The following RARB variants were observed in gnomAD, a reference collection of about 807,000 sequenced individuals.
RARB encodes the protein HBV-activated protein.
RARB carries 17 observed loss-of-function variants against 51.9 expected under a neutral mutation model. The observed-to-expected ratio is 0.33, with a 90% CI of 0.22 to 0.49. RARB has a LOEUF of 0.49. Ranked by LOEUF, RARB falls within the 20% of genes least tolerant of loss-of-function variation. The probability of loss-of-function intolerance (pLI) is 0.99; values close to 1 mark genes in which losing one functional copy is unlikely to be tolerated. For missense variants in RARB, 369 were observed against 550.8 expected, an observed-to-expected ratio of 0.67 and a Z score of 3.30; for synonymous variants, 215 against 195.4, an observed-to-expected ratio of 1.10 and a Z score of -0.84.
At chr3:25,543,010 A>C (rs1481926248) in intron 3 of RARB, among the ~76,000 whole-genome samples, 2 of 152,172 alleles carry the variant, frequency 1.3e-5, no homozygotes, top group African/African-American at 2.4e-5. Context: ...ACCCATGGAC[A>C]CAACTGCAGG....
At chr3:25,216,818 A>T (rs751500258) in intron 5 of RARB, among the ~76,000 whole-genome samples, 1 of 151,676 alleles carries the variant, frequency 6.6e-6, no homozygotes, top group African/African-American at 2.4e-5. Context: ...CTTTTAGTCT[A>T]TAGTTTTGCT....
At chr3:24,974,785 GGA>G (rs1477182424) in intron 2 of RARB, among the ~76,000 whole-genome samples, 1 of 152,114 alleles carries the variant, frequency 6.6e-6, no homozygotes, top group Non-Finnish European at 1.5e-5. Context: ...ATAAGTATAA[GGA>G]ACACTCTCAA....
At chr3:25,548,162 G>A (rs1699697001) in intron 3 of RARB, among the ~76,000 whole-genome samples, 1 of 150,246 alleles carries the variant, frequency 6.7e-6, no homozygotes, top group African/African-American at 2.5e-5. Flanking sequence ...AGTAATTGGA[G>A]TGAGTGCTTC....
At chr3:25,494,876 A>G (rs1038493300) in intron 2 of RARB, among the ~76,000 whole-genome samples, 1 of 152,252 alleles carries the variant, frequency 6.6e-6, no homozygotes, top group African/African-American at 2.4e-5. Context: ...AGTTTTGTCA[A>G]TAACAGTAGC....
At chr3:24,834,020 A>T (rs75134207) in intron 1 of RARB, among the ~76,000 whole-genome samples, 6,424 of 152,326 alleles carry the variant, frequency 0.042, 199 homozygotes, top group Middle Eastern at 0.071. Flanking sequence ...CTGATTTGCT[A>T]TATTTTGCAG....
In RARB at chr3:25,151,944, A is replaced by G. The variant is rs528738376; in HGVS notation, c.-280+19736A>G. ...TTTTTTTTTTAAAGTACAAAATGAAAGTATGCCTGGGCAACGTGAGCAGAG... is the reference window on the plus strand; with the variant it reads ...TTTTTTTTTTAAAGTACAAAATGAAGGTATGCCTGGGCAACGTGAGCAGAG... On this transcript the variant is annotated intron_variant, in intron 4 of 11. Transcript: ENST00000383772. Among the ~76,000 whole-genome samples the G allele has an allele frequency of 2.9e-4, 44 of 152,300 alleles. No homozygotes were observed. The South Asian group carries it at 5.2e-3, about 18-fold the overall frequency.
At chr3:25,073,702 T>C (rs1363793340) in intron 3 of RARB, among the ~76,000 whole-genome samples, 1 of 152,134 alleles carries the variant, frequency 6.6e-6, no homozygotes, top group Admixed American at 6.5e-5. Context: ...TAAGTGAAAA[T>C]GCTAGGGGAA....
At chr3:25,163,266 G>A (rs1332709788) in intron 4 of RARB, among the ~76,000 whole-genome samples, 1 of 152,130 alleles carries the variant, frequency 6.6e-6, no homozygotes, top group East Asian at 1.9e-4. Context: ...CACTTCAGGA[G>A]GCTGAGGTGA....
At chr3:25,322,264 A>G (rs989958719) in intron 5 of RARB, among the ~76,000 whole-genome samples, 4 of 152,150 alleles carry the variant, frequency 2.6e-5, no homozygotes, top group Admixed American at 2.6e-4. Context: ...ACCAAAATAA[A>G]CCTCAGATAA....
In RARB at chr3:25,018,686, A is replaced by C. The variant is rs564966648; in HGVS notation, c.-379-41439A>C. Among the ~76,000 whole-genome samples, 15 of 152,296 alleles carry C rather than the reference A, an allele frequency of 9.8e-5. No individual in the cohort carries two copies. In the South Asian group the frequency reaches 2.9e-3, roughly 29 times the overall value. On this transcript the variant is annotated intron_variant, in intron 2 of 11. Coordinates refer to the RARB transcript ENST00000383772. ...TAGAAAAGTCATTGTATATAAAGTGAGAAAATTTGGAAAACTCAATTTTAC... is the reference window on the plus strand; with the variant it reads ...TAGAAAAGTCATTGTATATAAAGTGCGAAAATTTGGAAAACTCAATTTTAC...
intron 5 of RARB, among the ~76,000 whole-genome samples, chr3:25,377,341 T>C (rs1331503971): frequency 6.6e-6 from 1 of 152,034 alleles, no homozygotes; most frequent in Non-Finnish European, 1.5e-5. Flanking sequence ...GCTTTTGTCC[T>C]TTACAAGGCA....
intron 2 of RARB, among the ~76,000 whole-genome samples, chr3:24,980,274 C>T (rs878932812): frequency 1.3e-5 from 2 of 152,100 alleles, no homozygotes. Context: ...CAAGGAGTAT[C>T]TTTGTGGTGT....
chr3:25,130,057 T>C (rs1016113149), intron 3 of RARB, among the ~76,000 whole-genome samples: 1 of 152,100 alleles, frequency 6.6e-6, no homozygotes, highest in Non-Finnish European at 1.5e-5. Context: ...TTGATTACCT[T>C]AGTATGGGAA....
intron 1 of RARB, among the ~76,000 whole-genome samples, chr3:25,459,136 T>C (rs562553584): frequency 7.2e-4 from 109 of 152,286 alleles, no homozygotes; most frequent in African/African-American, 2.6e-3. Context: ...TAGGGTTTTA[T>C]GGAAATAAAA....
chr3:25,315,826 C>T lies in RARB; in HGVS notation c.178+141251C>T, dbSNP rs568520436. Among the ~76,000 whole-genome samples the T allele has an allele frequency of 2.0e-5, 3 of 151,948 alleles. No homozygotes were observed. The South Asian group carries it at 6.3e-4, about 32-fold the overall frequency. On this transcript the variant is annotated intron_variant, in intron 5 of 11. Coordinates refer to the RARB transcript ENST00000383772. ...TAGAGAGGGGGTTTCACTATGTTAC[C>T]CAGGCTGGTCTCAAACTCCTGACCT...
chr3:25,105,137 A>T (rs1699475024), intron 3 of RARB, among the ~76,000 whole-genome samples: 2 of 152,192 alleles, frequency 1.3e-5, no homozygotes, highest in Admixed American at 1.3e-4. Context: ...ATATTTTCAT[A>T]ATTACATTAT....
At chr3:25,046,062 T>A (rs563112396) in intron 2 of RARB, among the ~76,000 whole-genome samples, 5 of 152,248 alleles carry the variant, frequency 3.3e-5, no homozygotes, top group Non-Finnish European at 7.3e-5. Context: ...TCATGTAGTC[T>A]GCCCGGCTCT....
At chr3:25,332,848 G>A (rs571575390) in intron 5 of RARB, among the ~76,000 whole-genome samples, 15 of 152,174 alleles carry the variant, frequency 9.9e-5, no homozygotes, top group Admixed American at 3.3e-4. Flanking sequence ...CAAAATCAAC[G>A]TGCAAAAATC....
intron 5 of RARB, among the ~76,000 whole-genome samples, chr3:25,195,423 A>G (rs1457302462): frequency 6.6e-6 from 1 of 152,020 alleles, no homozygotes; most frequent in Admixed American, 6.6e-5. Flanking sequence ...TAACATGCTA[A>G]AGTAATATTT....
Sources: gnomAD v4.1 joint callset for allele counts (sites outside exome capture counted in the v4.1 genomes callset) on GRCh38, gnomAD v4.1.1 for gene constraint, MANE v1.5 for transcripts, NCBI Gene and HGNC (gene_info 2026-07-23, HGNC 2026-07-21) for gene names.